C12orf42: variants seen among roughly 807,000 people sequenced by gnomAD.
C12orf42 encodes the protein uncharacterized protein C12orf42.
A neutral mutation model predicts 21.6 loss-of-function variants in C12orf42; 25 were observed. The observed-to-expected ratio is 1.16, with a 90% confidence interval of 0.84 to 1.62. The LOEUF (loss-of-function observed/expected upper bound fraction) is 1.62. C12orf42 is among the 40% of genes most tolerant of loss of function. The pLI, the probability that C12orf42 is intolerant of heterozygous loss-of-function variation, is 0.00. For synonymous variants in C12orf42, 174 were observed against 175.0 expected, an observed-to-expected ratio of 0.99 and a Z score of 0.05; for missense variants, 483 against 459.3, an observed-to-expected ratio of 1.05 and a Z score of -0.47.
chr12:103,532,533 T>A, the C12orf42 span, among the ~76,000 whole-genome samples: 1 of 151,982 alleles, frequency 6.6e-6, no homozygotes, highest in African/African-American at 2.4e-5. Context: ...TATTGTGCCA[T>A]CTGGAAAAAA....
the C12orf42 span, among the ~76,000 whole-genome samples, chr12:103,185,350 A>G: frequency 6.6e-6 from 1 of 152,194 alleles, no homozygotes; most frequent in Non-Finnish European, 1.5e-5. Flanking sequence ...TACTTCAGGT[A>G]GGAAGTTATG....
the C12orf42 span, among the ~76,000 whole-genome samples, chr12:103,528,154 A>T: frequency 1.3e-5 from 2 of 152,242 alleles, no homozygotes; most frequent in Non-Finnish European, 2.9e-5. Context: ...AAGAAATGGA[A>T]CATTTAACAA....
intron 4 of C12orf42, among the ~76,000 whole-genome samples, chr12:103,341,092 A>AAC (rs1333995407): frequency 6.8e-6 from 1 of 146,206 alleles, no homozygotes; most frequent in African/African-American, 2.6e-5. Context: ...CAGTCTGGGC[A>AAC]ACAGAGCAAG....
chr12:103,403,020 A>C (rs1307651773), intron 2 of C12orf42, among the ~76,000 whole-genome samples: 7 of 152,136 alleles, frequency 4.6e-5, no homozygotes, highest in Non-Finnish European at 2.9e-5. Context: ...TGTGTCTTCT[A>C]CCTAGTATCC....
At chr12:103,353,103 T>C (rs1211466518) in intron 4 of C12orf42, among the ~76,000 whole-genome samples, 1 of 152,100 alleles carries the variant, frequency 6.6e-6, no homozygotes, top group Non-Finnish European at 1.5e-5. Context: ...TTTTCACTCA[T>C]AGCAAAACTA....
intron 2 of C12orf42, among the ~76,000 whole-genome samples, chr12:103,416,345 G>T (rs2049331390): frequency 6.6e-6 from 1 of 152,086 alleles, no homozygotes; most frequent in Admixed American, 6.6e-5. Flanking sequence ...TATAGGGAAT[G>T]GGAGAAGTGA....
At chr12:103,362,489 A>G (rs1351355096) in intron 4 of C12orf42, among the ~76,000 whole-genome samples, 3 of 152,162 alleles carry the variant, frequency 2.0e-5, no homozygotes, top group African/African-American at 7.2e-5. Flanking sequence ...GCTCACCAGC[A>G]ATGGATCCAA....
the C12orf42 span, among the ~76,000 whole-genome samples, chr12:103,218,296 G>A: frequency 1.4e-5 from 2 of 146,238 alleles, no homozygotes; most frequent in Non-Finnish European, 3.0e-5. Context: ...AAAAAAAAAA[G>A]TCTTTCTTTC....
chr12:103,472,047 A>ATTTTTTTTTTT (rs33994886), intron 2 of C12orf42: 12 of 84,380 alleles, frequency 1.4e-4, no homozygotes, highest in East Asian at 4.1e-4. Flanking sequence ...ATACAACTCA[A>ATTTTTTTTTTT]TTTTTTTTTT....
At chr12:103,232,112 A>C in the C12orf42 span, among the ~76,000 whole-genome samples, 46 of 152,312 alleles carry the variant, frequency 3.0e-4, no homozygotes, top group African/African-American at 1.1e-3. Flanking sequence ...CTTTGGTGAT[A>C]AGTCTGTTTA....
chr12:103,524,001 A>G, the C12orf42 span, among the ~76,000 whole-genome samples: 1 of 152,156 alleles, frequency 6.6e-6, no homozygotes, highest in South Asian at 2.1e-4. Context: ...CTTTGGGTAA[A>G]GCATAGTCAT....
At chr12:103,456,598 C>T (rs1431571297) in intron 2 of C12orf42, among the ~76,000 whole-genome samples, 1 of 152,126 alleles carries the variant, frequency 6.6e-6, no homozygotes, top group African/African-American at 2.4e-5. Flanking sequence ...CAGCACATAG[C>T]ACGCATGATA....
At chr12:103,082,821 T>G in the C12orf42 span, among the ~76,000 whole-genome samples, 2 of 152,172 alleles carry the variant, frequency 1.3e-5, no homozygotes, top group East Asian at 1.9e-4. Context: ...AATAGGTAGG[T>G]GAATTTTGGC....
intron 4 of C12orf42, among the ~76,000 whole-genome samples, chr12:103,357,824 G>T (rs2043724765): frequency 6.6e-6 from 1 of 152,038 alleles, no homozygotes; most frequent in African/African-American, 2.4e-5. Flanking sequence ...TAAGCCTGAG[G>T]TTGTTTACCA....
chr12:103,370,678 C>CA (rs943391967), intron 3 of C12orf42, among the ~76,000 whole-genome samples: 8 of 151,582 alleles, frequency 5.3e-5, no homozygotes, highest in Non-Finnish European at 1.2e-4. Context: ...AAGCTAAAAA[C>CA]AAAAAAACAT....
At chr12:103,404,481 T>A (rs1171062951) in intron 2 of C12orf42, among the ~76,000 whole-genome samples, 1 of 152,238 alleles carries the variant, frequency 6.6e-6, no homozygotes, top group Admixed American at 6.5e-5. Flanking sequence ...AGTGGATGTA[T>A]AATGAAGGTT....
chr12:103,195,592 C>T, the C12orf42 span, among the ~76,000 whole-genome samples: 1 of 151,956 alleles, frequency 6.6e-6, no homozygotes, highest in Admixed American at 6.6e-5. Context: ...TGTATATTTT[C>T]TTTTGCAAAT....
intron 4 of C12orf42, among the ~76,000 whole-genome samples, chr12:103,288,979 G>A (rs537879416): frequency 6.7e-4 from 102 of 152,092 alleles, no homozygotes; most frequent in African/African-American, 2.3e-3. Context: ...ATCTTGGTTC[G>A]GTCTGTTGTT....
At chr12:103,125,922 A>C in the C12orf42 span, among the ~76,000 whole-genome samples, 3 of 152,312 alleles carry the variant, frequency 2.0e-5, no homozygotes, top group East Asian at 3.9e-4. Flanking sequence ...CTGATTTCTC[A>C]TCTTGGGGAA....
Sources: gnomAD v4.1 joint callset for allele counts (sites outside exome capture counted in the v4.1 genomes callset) on GRCh38, gnomAD v4.1.1 for gene constraint, MANE v1.5 for transcripts, NCBI Gene and HGNC (gene_info 2026-07-23, HGNC 2026-07-21) for gene names.